The following ROGDI variants were observed in gnomAD, a reference collection of about 807,000 sequenced individuals.
The protein encoded by ROGDI is protein rogdi homolog.
A neutral mutation model predicts 43.1 loss-of-function variants in ROGDI; 46 were observed. The ratio of observed to expected loss-of-function variants is 1.07; its 90% CI spans 0.84 to 1.37. The LOEUF (loss-of-function observed/expected upper bound fraction) is 1.37, where lower values mean the gene tolerates loss of function less well. Ranked by LOEUF, ROGDI falls within the 40% of genes most tolerant of loss-of-function variation. ROGDI has a pLI of 0.00. For missense variants in ROGDI, 518 were observed against 383.9 expected, an observed-to-expected ratio of 1.35 and a Z score of -2.92; for synonymous variants, 243 against 162.0, an observed-to-expected ratio of 1.50 and a Z score of -3.80.
At chr16:4,801,114 G>A (rs1008393549) in intron 4 of ROGDI, 153 bp downstream of exon 4, 8 of 603,740 alleles carry the variant, frequency 1.3e-5, no homozygotes, top group Non-Finnish European at 2.3e-5. Context: ...GGGAGAAGGT[G>A]TGAGGGTTGC....
At chr16:4,799,606 C>G (rs995383666) in intron 6 of ROGDI, 80 bp downstream of exon 6, 1 of 1,024,594 alleles carries the variant, frequency 9.8e-7, no homozygotes, top group Non-Finnish European at 1.5e-6. Flanking sequence ...AACGTGGAGG[C>G]CCTGGGATTG....
chr16:4,798,207 G>T (rs746564802), intron 7 of ROGDI, 23 bp from the exon 8 acceptor site: 1 of 1,593,990 alleles, frequency 6.3e-7, no homozygotes, highest in Non-Finnish European at 8.6e-7. Flanking sequence ...GGTGGGATGA[G>T]GCCCTCGCAA....
chr16:4,800,645 C>T, intron 4 of ROGDI, 67 bp from the exon 5 acceptor site: 1 of 1,333,386 alleles, frequency 7.5e-7, no homozygotes, highest in South Asian at 1.3e-5. Flanking sequence ...ACTCTGAGCC[C>T]TTAAGCCCAG....
chr16:4,801,450 C>G, intron 3 of ROGDI, 53 bp downstream of exon 3: 1 of 1,574,528 alleles, frequency 6.4e-7, no homozygotes, highest in South Asian at 1.1e-5. Context: ...ATGGCCATGC[C>G]TCCTACCCCC....
At chr16:4,799,510 AAC>A (rs2082692197) in intron 6 of ROGDI, among the ~76,000 whole-genome samples, 174 bp downstream of exon 6, 1 of 152,082 alleles carries the variant, frequency 6.6e-6, no homozygotes, top group Admixed American at 6.6e-5. Context: ...TATTATGGTG[AAC>A]AGTCACTCCA....
chr16:4,800,840 C>T, intron 4 of ROGDI: 1 of 559,682 alleles, frequency 1.8e-6, no homozygotes, highest in South Asian at 2.2e-5. Context: ...GGAAAGGCAG[C>T]CTCTGTGAGG....
At chr16:4,801,345 G>T (rs1320153998) in intron 3 of ROGDI, 24 bp from the exon 4 acceptor site, 2 of 1,596,880 alleles carry the variant, frequency 1.3e-6, no homozygotes, top group Non-Finnish European at 1.7e-6. Context: ...CGTCAGAGCG[G>T]TGCCTGTGGT....
chr16:4,797,874 C>G, intron 9 of ROGDI, 34 bp from the exon 10 acceptor site: 1 of 1,608,176 alleles, frequency 6.2e-7, no homozygotes, highest in Admixed American at 1.7e-5. Context: ...GAGGAGGGTC[C>G]CGGCCCTCCA....
rs2082670325 is a variant in ROGDI, at chr16:4,797,785, T to C, written c.751A>G (p.Ile251Val). 6.2e-7 allele frequency: 1 copy of C among 1,613,616 alleles called. No individual in the cohort carries two copies. Among genetic ancestry groups the C allele is most frequent in the African/African-American group, 1.3e-5 (1 of 74,988 alleles). Residue 251 changes from isoleucine to valine, a missense_variant, in exon 10 of 11, where the codon ATC becomes GTC. Physicochemically the swap from Ile to Val is conservative, Grantham distance 29. Coordinates refer to ENST00000322048, the MANE Select transcript of ROGDI (RefSeq NM_024589.3). ...VSHVHKVECV[I>V]PWLNDALVYF... ...ACCAGGGCGTCGTTGAGCCAGGGGATCACGCACTCCACTTTGTGCACGTGG... is the reference window on the plus strand; with the variant it reads ...ACCAGGGCGTCGTTGAGCCAGGGGACCACGCACTCCACTTTGTGCACGTGG...
At chr16:4,801,033 C>T (rs1360842267) in intron 4 of ROGDI, 8 of 512,398 alleles carry the variant, frequency 1.6e-5, no homozygotes, top group South Asian at 6.2e-5. Context: ...TTCACTGGTC[C>T]GGACGCCAGG....
At position 4,797,938 on chromosome 16, in the gene ROGDI, A is replaced by G. The variant is rs776235683; in HGVS notation, c.695T>C (p.Phe232Ser). Reference protein sequence around the residue: ...GAVLHSPGAMFEWGSQRLEVS... With the variant: ...GAVLHSPGAMSEWGSQRLEVS... ...GGACCCCCCGCCCCTGCCTACTTAC[A>G]ACATGGCCCCAGGGCTATGCAGCAC... The change falls in exon 9 of 11, where the codon TTC (phenylalanine) becomes TCC (serine). Residue 232 changes from phenylalanine to serine, a missense_variant and splice_region_variant. Coordinates refer to ENST00000322048, the MANE Select transcript of ROGDI (RefSeq NM_024589.3). 7 of 1,600,098 alleles carry G rather than the reference A, an allele frequency of 4.4e-6. No homozygotes were observed. The Admixed American group carries it at 1.0e-4, about 23-fold the overall frequency.
Position 4,797,447 on chromosome 16 carries a change from C to T in ROGDI, c.*13G>A. The T allele has an allele frequency of 6.2e-7, 1 of 1,611,994 alleles. No individual in the cohort carries two copies. The highest frequency in any genetic ancestry group is 8.5e-7 in the Non-Finnish European group (1 of 1,178,892). On this transcript the variant is annotated 3_prime_UTR_variant, in exon 11 of 11. Coordinates refer to ENST00000322048, the MANE Select transcript of ROGDI (RefSeq NM_024589.3). ...GGGCCGCCTTCCTGGAGACAAGCTC[C>T]TGGGTGCTGTGATCAGAAGGGTCTG...
Position 4,798,122 on chromosome 16 carries a change from CT to C in ROGDI, c.593del (p.Lys198SerfsTer44). 1 of 1,614,014 alleles carries C rather than the reference CT, an allele frequency of 6.2e-7. No homozygotes were observed. Among genetic ancestry groups the C allele is most frequent in the Admixed American group, 1.7e-5 (1 of 60,016 alleles). On this transcript the variant is annotated frameshift_variant, in exon 8 of 11. Transcript: ENST00000322048. LOFTEE classifies it high-confidence loss of function. ...GCAGCTGGTACACCGTGAGGCAGAG[CT>C]TGTTGAGGTTGATGTAGACGTTGAC... ...LLVNVYINLN[K>X]LCLTVYQLHA...
Position 4,797,296 on chromosome 16 carries a change from G to A in ROGDI, c.*164C>T. The A allele has an allele frequency of 3.1e-6, 2 of 653,952 alleles. No homozygotes were observed. The highest frequency in any genetic ancestry group is 5.2e-6 in the Non-Finnish European group (2 of 388,182). The allele number at this position is 653,952 out of a possible 1,614,324, so 40.5% of individuals were successfully genotyped here. On this transcript the variant is annotated 3_prime_UTR_variant, in exon 11 of 11. Transcript: ENST00000322048. ...ACCAAACCAGCCTTCCTTCCTCCTG[G>A]CACTTCCAGTGTCCATTCCCGGCAG...
At chr16:4,801,964 C>T (rs759866568) in intron 2 of ROGDI, 1 of 578,500 alleles carries the variant, frequency 1.7e-6, no homozygotes, top group South Asian at 1.6e-5. Flanking sequence ...CTGTGAGCTG[C>T]CTGGCTCATT....
chr16:4,797,865 A>T (rs1259661820), intron 9 of ROGDI, 25 bp from the exon 10 acceptor site: 1 of 1,609,366 alleles, frequency 6.2e-7, no homozygotes, highest in Non-Finnish European at 8.5e-7. Flanking sequence ...AGGGTCCCTG[A>T]GGAGGGTCCC....
At chr16:4,802,268 C>G (rs1216822498) in intron 2 of ROGDI, 114 bp downstream of exon 2, 1 of 991,760 alleles carries the variant, frequency 1.0e-6, no homozygotes, top group Non-Finnish European at 1.5e-6. Flanking sequence ...GCCTGAAAGC[C>G]GCGGCAGCCG....
chr16:4,802,288 G>T, intron 2 of ROGDI, 94 bp downstream of exon 2: 1 of 1,176,594 alleles, frequency 8.5e-7, no homozygotes, highest in Non-Finnish European at 1.2e-6. Flanking sequence ...GCACACTGTA[G>T]GCGCTCAGGA....
intron 4 of ROGDI, 66 bp downstream of exon 4, chr16:4,801,201 G>T (rs779771916): frequency 7.3e-7 from 1 of 1,377,330 alleles, no homozygotes; most frequent in East Asian, 2.3e-5. Flanking sequence ...TGTACAGAGA[G>T]AAAGTGGGAG....
Sources: gnomAD v4.1 joint callset for allele counts (sites outside exome capture counted in the v4.1 genomes callset) on GRCh38, gnomAD v4.1.1 for gene constraint, MANE v1.5 for transcripts, NCBI Gene and HGNC (gene_info 2026-07-23, HGNC 2026-07-21) for gene names.